LPA: variants seen among roughly 807,000 people sequenced by gnomAD.
LPA encodes lipoprotein(a).
A neutral mutation model predicts 197.9 loss-of-function variants in LPA; 199 were observed. The observed-to-expected ratio is 1.01, with a 90% CI of 0.90 to 1.13. The LOEUF (loss-of-function observed/expected upper bound fraction) is 1.13, where lower values mean the gene tolerates loss of function less well. LPA is among the 50% of genes most tolerant of loss of function. The probability of loss-of-function intolerance (pLI) is 0.00; values close to 1 mark genes in which losing one functional copy is unlikely to be tolerated. For synonymous variants in LPA, 715 were observed against 639.5 expected (o/e 1.12, Z -1.78); for missense variants, 1,853 against 1,785.8 (o/e 1.04, Z -0.68).
At chr6:160,566,259 CA>C (rs1376074659) in intron 28 of LPA, among the ~76,000 whole-genome samples, 2 of 151,930 alleles carry the variant, frequency 1.3e-5, no homozygotes, top group African/African-American at 4.8e-5. Context: ...GGGTTACCCA[CA>C]AAGGGAAGCC....
chr6:160,553,933 C>CTGTGTGTGTG (rs1437869346), intron 30 of LPA, among the ~76,000 whole-genome samples: 52 of 68,940 alleles, frequency 7.5e-4, no homozygotes, highest in African/African-American at 2.0e-3. Context: ...CTCTCTCTCT[C>CTGTGTGTGTG]TCTCTGTGTG....
At chr6:160,579,122 C>CTA (rs1279701775) in intron 26 of LPA, among the ~76,000 whole-genome samples, 1 of 151,984 alleles carries the variant, frequency 6.6e-6, no homozygotes, top group African/African-American at 2.4e-5. Flanking sequence ...CTCTATAAGA[C>CTA]TATATAGTAA....
At chr6:160,611,168 T>G (rs535817079) in intron 16 of LPA, among the ~76,000 whole-genome samples, 5 of 152,106 alleles carry the variant, frequency 3.3e-5, no homozygotes, top group African/African-American at 1.2e-4. Flanking sequence ...ACTTTCCTCA[T>G]GAGCCCAGAC....
At chr6:160,634,924 G>C (rs1779778763) in intron 7 of LPA, among the ~76,000 whole-genome samples, 199 bp downstream of exon 7, 1 of 150,168 alleles carries the variant, frequency 6.7e-6, no homozygotes, top group Non-Finnish European at 1.5e-5. Context: ...CCATTCTAAA[G>C]ACAAAGCCCA....
At chr6:160,658,006 G>A (rs1471973878) in intron 1 of LPA, among the ~76,000 whole-genome samples, 1 of 152,126 alleles carries the variant, frequency 6.6e-6, no homozygotes, top group Non-Finnish European at 1.5e-5. Flanking sequence ...GGTGCCTCTT[G>A]AGGAGAATCA....
At chr6:160,549,254 T>C (rs1487242188) in intron 30 of LPA, among the ~76,000 whole-genome samples, 2 of 152,190 alleles carry the variant, frequency 1.3e-5, no homozygotes, top group African/African-American at 4.8e-5. Flanking sequence ...AGATTTTGGG[T>C]GGGGACATAG....
chr6:160,608,628 G>GT, intron 16 of LPA, among the ~76,000 whole-genome samples: 1 of 152,114 alleles, frequency 6.6e-6, no homozygotes, highest in East Asian at 1.9e-4. Context: ...TGAATTTCGT[G>GT]TTTTTGCGAT....
intron 33 of LPA, among the ~76,000 whole-genome samples, chr6:160,544,070 A>T (rs1278306119): frequency 6.6e-6 from 1 of 152,132 alleles, no homozygotes; most frequent in Non-Finnish European, 1.5e-5. Flanking sequence ...ATTCTCATAC[A>T]TCCTCAATGT....
At chr6:160,647,286 A>G (rs977394526) in intron 2 of LPA, among the ~76,000 whole-genome samples, 9 of 152,206 alleles carry the variant, frequency 5.9e-5, no homozygotes, top group Non-Finnish European at 8.8e-5. Flanking sequence ...GAGGCAAAGC[A>G]GCTGAGGAGT....
intron 36 of LPA, 70 bp from the exon 37 acceptor site, chr6:160,538,031 C>T (rs1777920630): frequency 1.5e-6 from 2 of 1,358,898 alleles, no homozygotes; most frequent in East Asian, 4.7e-5. Flanking sequence ...AACCAGGCAT[C>T]CCTGCCTTGA....
rs745977279 is a variant in LPA at position 160,594,137 on chromosome 6, A to T, written c.3470-20T>A. 1 of 1,613,664 alleles carries T rather than the reference A, an allele frequency of 6.2e-7. No individual in the cohort carries two copies. Reference sequence around the variant, plus strand: ...TTGGTGCTGAAATTCAAAGAGGAGAAATCAAGCTGAGTAATTTCTAGAACA... The same window carrying T: ...TTGGTGCTGAAATTCAAAGAGGAGATATCAAGCTGAGTAATTTCTAGAACA... On this transcript the variant is annotated intron_variant, in intron 21 of 38. Coordinates refer to ENST00000316300, the MANE Select transcript of LPA (RefSeq NM_005577.4).
rs557105494 is a variant in LPA at position 160,650,583 on chromosome 6, G to A, written c.50-86C>T. The A allele has an allele frequency of 6.5e-4, 892 of 1,373,754 alleles. 1 individual carries two copies. Among genetic ancestry groups the A allele is most frequent in the Admixed American group, 1.4e-3 (85 of 59,336 alleles). 85.1% of individuals were successfully genotyped at this position (1,373,754 alleles called of 1,614,324 possible). The stretch of plus-strand genomic sequence containing the variant: ...TCATTTATGACACAAACAGGAAAAA[G>A]TCTCTGAGAATTACGACCATTCTCT... On this transcript the variant is annotated intron_variant, in intron 1 of 38. Transcript: ENST00000316300.
chr6:160,659,327 T>C (rs1181828216), intron 1 of LPA, among the ~76,000 whole-genome samples: 1 of 152,136 alleles, frequency 6.6e-6, no homozygotes, highest in East Asian at 1.9e-4. Context: ...TCTTTTTTCC[T>C]TCCCTAGTCC....
At chr6:160,583,540 T>C (rs1003911131) in intron 26 of LPA, among the ~76,000 whole-genome samples, 3 of 152,188 alleles carry the variant, frequency 2.0e-5, no homozygotes, top group East Asian at 3.9e-4. Flanking sequence ...CCCAGTGCTA[T>C]GTGAGCTCTG....
chr6:160,534,962 GTGA>G (rs1340119978), intron 37 of LPA, among the ~76,000 whole-genome samples: 2 of 145,894 alleles, frequency 1.4e-5, no homozygotes, highest in African/African-American at 5.3e-5. Flanking sequence ...GGTGGTGCTG[GTGA>G]TGATGGTGGT....
At chr6:160,654,069 A>ATAT (rs1780082653) in intron 1 of LPA, among the ~76,000 whole-genome samples, 2 of 57,720 alleles carry the variant, frequency 3.5e-5, no homozygotes, top group Non-Finnish European at 5.8e-5. Context: ...TATATATTAT[A>ATAT]TATAATATAT....
At chr6:160,581,726 T>C (rs765763267) in intron 26 of LPA, among the ~76,000 whole-genome samples, 1 of 152,320 alleles carries the variant, frequency 6.6e-6, no homozygotes, top group African/African-American at 2.4e-5. Context: ...TTCTAGCATA[T>C]ACATTCTGTT....
rs1288413582 is a variant in LPA at position 160,590,924 on chromosome 6, T to C, written c.3787+20A>G. ...ATCCCAACGTCCAAGGGTGTGGTTG[T>C]CTGGCCAGAGACTTCTTACCTTGTT... On this transcript the variant is annotated intron_variant, in intron 23 of 38. Coordinates refer to ENST00000316300, the MANE Select transcript of LPA (RefSeq NM_005577.4). 2 of 1,613,756 alleles carry C rather than the reference T, an allele frequency of 1.2e-6. No individual in the cohort carries two copies. Among genetic ancestry groups the C allele is most frequent in the Non-Finnish European group, 1.7e-6 (2 of 1,179,828 alleles).
intron 20 of LPA, among the ~76,000 whole-genome samples, chr6:160,597,733 T>C (rs533580066): frequency 6.6e-6 from 1 of 152,366 alleles, no homozygotes; most frequent in South Asian, 2.1e-4. Flanking sequence ...TACTAATATG[T>C]CAAATTCTCA....
Sources: allele counts gnomAD v4.1 joint callset (sites outside exome capture counted in the v4.1 genomes callset), GRCh38; gene constraint gnomAD v4.1.1; transcripts MANE v1.5; gene names NCBI Gene and HGNC (gene_info 2026-07-23, HGNC 2026-07-21).